The following BSN variants were observed in gnomAD, a reference collection of about 807,000 sequenced individuals.
BSN encodes bassoon presynaptic cytomatrix protein.
BSN carries 57 observed loss-of-function variants against 264.8 expected under a neutral mutation model. That is an observed-to-expected ratio of 0.22 (90% CI 0.17 to 0.27). The LOEUF is 0.27. Among genes scored for constraint, BSN ranks in the 10% least tolerant of loss-of-function variants. The pLI, the probability that BSN is intolerant of heterozygous loss-of-function variation, is 1.00. For synonymous variants in BSN, 2,059 were observed against 2,137.3 expected (o/e 0.96, Z 1.01); for missense variants, 4,615 against 5,232.5 (o/e 0.88, Z 3.64).
At chr3:49,648,417 T>C (rs1559613393) in intron 3 of BSN, among the ~76,000 whole-genome samples, 1 of 152,340 alleles carries the variant, frequency 6.6e-6, no homozygotes, top group East Asian at 1.9e-4. Context: ...ATGCTGACCA[T>C]AGGGCTGGGG....
chr3:49,630,063 G>A (rs768735600), intron 2 of BSN, among the ~76,000 whole-genome samples: 2 of 152,236 alleles, frequency 1.3e-5, no homozygotes, highest in African/African-American at 2.4e-5. Context: ...ACTGCTTTCC[G>A]GCAAGGGCCA....
intron 1 of BSN, among the ~76,000 whole-genome samples, chr3:49,613,303 C>CGAGAGAGCGAGAGAGAGAGAGAGA (rs2052223776): frequency 2.1e-5 from 1 of 47,332 alleles, no homozygotes; most frequent in Non-Finnish European, 4.0e-5. Context: ...ACACACAGAG[C>CGAGAGAGCGAGAGAGAGAGAGAGA]GAGAGAGAGA....
At chr3:49,645,545 T>C (rs1041066766) in intron 3 of BSN, among the ~76,000 whole-genome samples, 3 of 152,206 alleles carry the variant, frequency 2.0e-5, no homozygotes, top group Non-Finnish European at 4.4e-5. Flanking sequence ...CCTTCCGTCC[T>C]TATCCTCCCT....
At chr3:49,568,444 C>T (rs981783355) in intron 1 of BSN, among the ~76,000 whole-genome samples, 2 of 152,150 alleles carry the variant, frequency 1.3e-5, no homozygotes, top group Admixed American at 1.3e-4. Context: ...CTACTTTATT[C>T]TCTTTGCCTT....
chr3:49,649,943 A>G (rs576324501), intron 3 of BSN, among the ~76,000 whole-genome samples: 6 of 152,198 alleles, frequency 3.9e-5, no homozygotes, highest in Non-Finnish European at 7.3e-5. Flanking sequence ...GGGCAGGAGG[A>G]GGCCTCTACC....
downstream of BSN, among the ~76,000 whole-genome samples, chr3:49,673,071 G>T (rs1302053937): frequency 2.1e-5 from 2 of 93,642 alleles, no homozygotes; most frequent in Non-Finnish European, 4.6e-5. Flanking sequence ...GAGCCACCGC[G>T]CCCGGCCGGC....
downstream of BSN, among the ~76,000 whole-genome samples, chr3:49,673,072 CCCGG>C (rs1157252881): frequency 9.2e-5 from 8 of 87,056 alleles, no homozygotes; most frequent in South Asian, 4.6e-4. Context: ...AGCCACCGCG[CCCGG>C]CCGGCCGGGA....
chr3:49,614,051 C>CTTTTTTTT (rs35326455), intron 1 of BSN, among the ~76,000 whole-genome samples: 21 of 87,804 alleles, frequency 2.4e-4, no homozygotes, highest in East Asian at 6.4e-4. Flanking sequence ...GACATTCAGT[C>CTTTTTTTT]TTTTTTTTTT....
At chr3:49,640,089 C>T (rs1334912091) in intron 2 of BSN, among the ~76,000 whole-genome samples, 9 of 152,254 alleles carry the variant, frequency 5.9e-5, no homozygotes, top group African/African-American at 2.2e-4. Context: ...GATGAGACGG[C>T]ACCTTCCCCT....
rs759876971 is a variant in BSN, at chr3:49,662,430, C to G, written c.10585C>G (p.Pro3529Ala). 4 of 1,613,378 alleles carry G rather than the reference C, an allele frequency of 2.5e-6. No homozygotes were observed. The African/African-American group carries it at 5.3e-5, about 22-fold the overall frequency. ...GPLPPGGDTC[P>A]QFCSSHSMPD... ...CCTCCCTCCCGGCGGGGATACCTGCCCACAGTTCTGCTCCAGCCACTCCAT... is the reference window on the plus strand; with the variant it reads ...CCTCCCTCCCGGCGGGGATACCTGCGCACAGTTCTGCTCCAGCCACTCCAT... The change falls in exon 6 of 12, where the codon CCA (proline) becomes GCA (alanine). Residue 3529 changes from proline to alanine, a missense_variant. By Grantham distance (27) the Pro-to-Ala change is conservative. This residue lies in a region of BSN where 3,415 missense variants were observed against 3,866.4 expected (regional missense o/e 0.88). Transcript: ENST00000296452.
At chr3:49,609,820 C>T (rs1010780651) in intron 1 of BSN, among the ~76,000 whole-genome samples, 1 of 152,186 alleles carries the variant, frequency 6.6e-6, no homozygotes, top group African/African-American at 2.4e-5. Context: ...CTTTTCTCCC[C>T]CAGACTTGTC....
rs1047764119 is a variant in BSN at position 49,655,280 on chromosome 3, C to T, written c.5724C>T (p.Pro1908=). ...GCTGTGACATGGTCTACAAGCTCCC[C>T]TTTGGCAGCAGCTGCACTGGCACCT... is the stretch of plus-strand genomic sequence containing the variant. ...LACCDMVYKL[P]FGSSCTGTFH... The change falls in exon 5 of 12, where the codon CCC becomes CCT. Residue 1908 remains proline (P), a synonymous_variant. Coordinates refer to ENST00000296452, the MANE Select transcript of BSN (RefSeq NM_003458.4). 7.4e-6 allele frequency: 12 copies of T among 1,612,906 alleles called. No homozygotes were observed. Among genetic ancestry groups the T allele is most frequent in the African/African-American group, 1.3e-5 (1 of 74,946 alleles).
At chr3:49,579,044 G>A (rs1223719121) in intron 1 of BSN, among the ~76,000 whole-genome samples, 1 of 152,112 alleles carries the variant, frequency 6.6e-6, no homozygotes, top group Non-Finnish European at 1.5e-5. Context: ...CTGGAGTACA[G>A]TGGTATGATC....
rs2051649927 is a variant in BSN at position 49,554,689 on chromosome 3, C to G, written c.87C>G (p.Pro29=). 2 of 1,082,200 alleles carry G rather than the reference C, an allele frequency of 1.8e-6. No individual in the cohort carries two copies. The highest frequency in any genetic ancestry group is 5.9e-5 in the East Asian group (1 of 17,034). 67.0% of individuals were successfully genotyped at this position (1,082,200 alleles called of 1,614,324 possible). Residue 29 remains proline (P), a synonymous_variant, in exon 1 of 12, where the codon CCC becomes CCG. Coordinates refer to ENST00000296452, the MANE Select transcript of BSN (RefSeq NM_003458.4). The part of the protein sequence containing the change: ...GGAGPGPGPG[P]GPGAGKPPSA... ...CCGGCCCCGGCCCGGGCCCCGGCCC[C>G]GGCCCCGGCGCAGGAAAGCCGCCTT...
At chr3:49,663,912 G>C (rs781705366) in intron 8 of BSN, 26 bp downstream of exon 8, 1 of 1,609,156 alleles carries the variant, frequency 6.2e-7, no homozygotes. Context: ...GACACCCTTG[G>C]CTGTGGCCCA....
intron 1 of BSN, among the ~76,000 whole-genome samples, chr3:49,587,907 C>CTTTTCTTTTCT (rs1286166639): frequency 6.9e-6 from 1 of 144,752 alleles, no homozygotes; most frequent in East Asian, 2.0e-4. Context: ...CTTTTCTTTT[C>CTTTTCTTTTCT]TTTTCTTTTC....
chr3:49,589,902 A>G (rs551682782), intron 1 of BSN, among the ~76,000 whole-genome samples: 2 of 150,350 alleles, frequency 1.3e-5, no homozygotes, highest in Admixed American at 1.3e-4. Context: ...CAGTGGCGCA[A>G]TCTCAGCTCA....
At position 49,630,564 on chromosome 3, in the gene BSN, G is replaced by A. The variant is rs1396072138; in HGVS notation, c.633+5181G>A. Among the ~76,000 whole-genome samples, 4 of 152,322 alleles carry A rather than the reference G, an allele frequency of 2.6e-5. No individual in the cohort carries two copies. In the East Asian group the frequency reaches 7.7e-4, roughly 29 times the overall value. On this transcript the variant is annotated intron_variant, in intron 2 of 11. Coordinates refer to ENST00000296452, the MANE Select transcript of BSN (RefSeq NM_003458.4). The stretch of plus-strand genomic sequence containing the variant: ...GCTTACTTGCTTGGACCACTGCAGG[G>A]TGGAGGCCACAGCCACTGGGGCCGT...
rs1215468337 is a variant in BSN, at chr3:49,650,784, C to G, written c.1691C>G (p.Pro564Arg). ...KQKGPQGLGQ[P>R]SGPLPAKASP... ...AAAGGGCCACAGGGGCTGGGCCAGC[C>G]TTCAGGCCCCCTGCCTGCCAAGGCC... The change falls in exon 4 of 12, where the codon CCT becomes CGT. Residue 564 changes from proline to arginine, a missense_variant. Physicochemically the swap from Pro to Arg is moderately radical, Grantham distance 103 (BLOSUM62 -2). Transcript: ENST00000296452. The G allele has an allele frequency of 2.5e-6, 4 of 1,613,746 alleles. No homozygotes were observed. Among genetic ancestry groups the G allele is most frequent in the Non-Finnish European group, 3.4e-6 (4 of 1,179,956 alleles).
Sources: gnomAD v4.1 joint callset for allele counts (sites outside exome capture counted in the v4.1 genomes callset) on GRCh38, gnomAD v4.1.1 for gene constraint, gnomAD v4.1.1 regional missense constraint, MANE v1.5 for transcripts, NCBI Gene and HGNC (gene_info 2026-07-23, HGNC 2026-07-21) for gene names.